PCDHGA5: variants seen among roughly 807,000 people sequenced by gnomAD.
PCDHGA5 encodes the protein protocadherin gamma-A5.
In PCDHGA5, 36 loss-of-function variants were observed where a neutral mutation model predicts 56.7. The observed-to-expected ratio is 0.64, with a 90% CI of 0.49 to 0.84. The LOEUF (loss-of-function observed/expected upper bound fraction) is 0.84. Ranked by LOEUF, PCDHGA5 falls within the 40% of genes least tolerant of loss-of-function variation. The pLI is 0.00. For synonymous variants in PCDHGA5, 563 were observed against 520.2 expected, an observed-to-expected ratio of 1.08 and a Z score of -1.12; for missense variants, 1,305 against 1,201.5, an observed-to-expected ratio of 1.09 and a Z score of -1.27.
chr5:141,409,502 T>C, intron 1 of PCDHGA5: 2 of 1,613,986 alleles, frequency 1.2e-6, no homozygotes, highest in South Asian at 1.1e-5. Flanking sequence ...GCCTCTTTCT[T>C]CCAGTAGAAG....
At chr5:141,472,980 C>CAAAAAAAA (rs60579131) in intron 1 of PCDHGA5, among the ~76,000 whole-genome samples, 7 of 86,098 alleles carry the variant, frequency 8.1e-5, no homozygotes, top group Admixed American at 1.2e-4. Context: ...GAGTGAAACT[C>CAAAAAAAA]AAAAAAAAAA....
In PCDHGA5 at chr5:141,462,551, G is replaced by C. The variant is rs57555347; in HGVS notation, c.2422-32256G>C. 8.3e-3 allele frequency among the ~76,000 whole-genome samples: 1,259 copies of C among 151,854 alleles called. 17 individuals carry two copies. The highest frequency in any genetic ancestry group is 0.029 in the African/African-American group (1,196 of 41,422). ...TTGTTCAGTGATCTTTTCTTCTTCA[G>C]TGTTTACTGTATTTGCTAATCCCAT... On this transcript the variant is annotated intron_variant, in intron 1 of 3. Transcript: ENST00000518069.
intron 1 of PCDHGA5, chr5:141,415,752 T>TG: frequency 1.6e-5 from 22 of 1,372,540 alleles, no homozygotes; most frequent in Middle Eastern, 2.6e-4. Flanking sequence ...TTTTTTTTTT[T>TG]TTTTTTTTTT....
Position 141,486,032 on chromosome 5 carries a change from G to C in PCDHGA5, c.2422-8775G>C, listed in dbSNP as rs560909128. The C allele has an allele frequency of 1.2e-6, 2 of 1,614,166 alleles. No individual in the cohort carries two copies. Among genetic ancestry groups the C allele is most frequent in the African/African-American group, 2.7e-5 (2 of 75,034 alleles). On this transcript the variant is annotated intron_variant, in intron 1 of 3. Transcript: ENST00000518069. This position sits in a 1 kb window ranked among gnomAD's most constrained non-coding sequence, Gnocchi z 5.0. ...CTTTTATTTCAGTGGTCATACCCCT[G>C]ATCGTGTAAGAAACCTCTTTAGCCT... is the stretch of plus-strand genomic sequence containing the variant.
At chr5:141,393,527 T>A in intron 1 of PCDHGA5, 10 of 1,613,990 alleles carry the variant, frequency 6.2e-6, no homozygotes, top group Non-Finnish European at 6.8e-6. Context: ...CAAATGACAA[T>A]GCCCCGGTTT....
chr5:141,428,354 T>G, intron 1 of PCDHGA5: 1 of 572,018 alleles, frequency 1.7e-6, no homozygotes. Context: ...GCAGTGATTT[T>G]GGCGGTCGCC....
chr5:141,404,685 C>T (rs554522683), intron 1 of PCDHGA5: 1 of 1,614,010 alleles, frequency 6.2e-7, no homozygotes, highest in South Asian at 1.1e-5. Flanking sequence ...GTGGAGCTGG[C>T]ACCCCGCTCT....
chr5:141,418,105 G>A lies in PCDHGA5; in HGVS notation c.2421+51354G>A, dbSNP rs971913143. On this transcript the variant is annotated intron_variant, in intron 1 of 3. Transcript: ENST00000518069. ...ACTTCAGCGTAGACGCGCAGAGCGG[G>A]GACTTACTTGTGAAGGACCGAATAG... 5 of 1,614,062 alleles carry A rather than the reference G, an allele frequency of 3.1e-6. No homozygotes were observed. The East Asian group carries it at 8.9e-5, about 29-fold the overall frequency.
At chr5:141,399,732 G>C (rs1270192367) in intron 1 of PCDHGA5, 27 of 1,613,174 alleles carry the variant, frequency 1.7e-5, no homozygotes, top group Non-Finnish European at 2.0e-5. Context: ...ACCAGGGCTC[G>C]CCTGCGCTCA....
Position 141,432,485 on chromosome 5 carries a change from G to C in PCDHGA5, c.2422-62322G>C. 6.2e-7 allele frequency: 1 copy of C among 1,614,186 alleles called. No individual in the cohort carries two copies. The highest frequency in any genetic ancestry group is 8.5e-7 in the Non-Finnish European group (1 of 1,180,040). On this transcript the variant is annotated intron_variant, in intron 1 of 3. Coordinates refer to ENST00000518069, the MANE Select transcript of PCDHGA5 (RefSeq NM_018918.3). The surrounding 1 kb of genome is among the most constrained non-coding windows in gnomAD (Gnocchi z 6.0). ...CCCCACGGACGGTTCCACTGGCGTG[G>C]AGCTGGCTCCCCGCTCCGCAGAGCC...
At chr5:141,384,046 A>T (rs372405767) in intron 1 of PCDHGA5, 1 of 1,612,316 alleles carries the variant, frequency 6.2e-7, no homozygotes, top group Admixed American at 1.7e-5. Context: ...TGGTGAGGTG[A>T]CCTGCACCAT....
chr5:141,423,864 G>T, intron 1 of PCDHGA5: 4 of 1,284,224 alleles, frequency 3.1e-6, no homozygotes, highest in Non-Finnish European at 3.9e-6. Flanking sequence ...TTTTGTGAAA[G>T]TCATTTTTCA....
intron 3 of PCDHGA5, among the ~76,000 whole-genome samples, chr5:141,507,772 A>C (rs2099863177): frequency 6.6e-6 from 1 of 152,332 alleles, no homozygotes; most frequent in South Asian, 2.1e-4. Flanking sequence ...TGGCCCACAC[A>C]GGGCCTGACC....
At chr5:141,411,059 C>T (rs1384816111) in intron 1 of PCDHGA5, 1 of 156,328 alleles carries the variant, frequency 6.4e-6, no homozygotes, top group African/African-American at 2.4e-5. Context: ...ACTATGTCGA[C>T]CAGGCTGTTC....
chr5:141,367,135 G>T (rs1283969236), intron 1 of PCDHGA5: 6 of 204,902 alleles, frequency 2.9e-5, no homozygotes, highest in Non-Finnish European at 4.9e-5. Context: ...GTTTTGGAAA[G>T]GATAATGTAT....
At chr5:141,370,664 A>G (rs1369327412) in intron 1 of PCDHGA5, 3 of 1,613,920 alleles carry the variant, frequency 1.9e-6, no homozygotes, top group South Asian at 1.1e-5. Flanking sequence ...GCGACCGTAT[A>G]GACCGAGAGG....
Position 141,490,481 on chromosome 5 carries a change from G to A in PCDHGA5, c.2422-4326G>A, listed in dbSNP as rs771164683. 8.7e-6 allele frequency: 14 copies of A among 1,614,060 alleles called. No homozygotes were observed. The highest frequency in any genetic ancestry group is 4.0e-5 in the African/African-American group (3 of 74,928). ...CTGCTAACCAGCCAGCCTTTGGACCGGGAGGCCACATCCCACTATATCATC... is the reference window on the plus strand; with the variant it reads ...CTGCTAACCAGCCAGCCTTTGGACCAGGAGGCCACATCCCACTATATCATC... On this transcript the variant is annotated intron_variant, in intron 1 of 3. Transcript: ENST00000518069. The surrounding 1 kb of genome is among the most constrained non-coding windows in gnomAD (Gnocchi z 5.4).
In PCDHGA5 at chr5:141,394,083, G is replaced by A. The variant is rs146481056; in HGVS notation, c.2421+27332G>A. The A allele has an allele frequency of 3.1e-6, 5 of 1,613,826 alleles. No individual in the cohort carries two copies. The East Asian group carries it at 6.7e-5, about 22-fold the overall frequency. On this transcript the variant is annotated intron_variant, in intron 1 of 3. Transcript: ENST00000518069. ...CTCTATCTACAATATCACAGTGATG[G>A]CCTCAGATCTAGGAACACCACCTCT... is the stretch of plus-strand genomic sequence containing the variant.
In PCDHGA5 at chr5:141,407,217, G is replaced by C. The variant is rs181833770; in HGVS notation, c.2421+40466G>C. 5.8e-3 allele frequency among the ~76,000 whole-genome samples: 885 copies of C among 151,964 alleles called. 4 individuals carry two copies. Among genetic ancestry groups the C allele is most frequent in the Non-Finnish European group, 9.1e-3 (620 of 67,966 alleles). ...TCAAACACGTTTTCCCCCTTAAGTG[G>C]GTAGCAAAAAAAATAAAGCATACTT... On this transcript the variant is annotated intron_variant, in intron 1 of 3. Transcript: ENST00000518069.
Sources: gnomAD v4.1 joint callset for allele counts (sites outside exome capture counted in the v4.1 genomes callset) on GRCh38, gnomAD v4.1.1 for gene constraint, Gnocchi (gnomAD v3.1) non-coding constraint, MANE v1.5 for transcripts, NCBI Gene and HGNC (gene_info 2026-07-23, HGNC 2026-07-21) for gene names.